KYAT3: variants seen among roughly 807,000 people sequenced by gnomAD.
KYAT3 encodes the protein kynurenine aminotransferase 3, also known as kynurenine--oxoglutarate transaminase 3.
In KYAT3, 50 loss-of-function variants were observed where a neutral mutation model predicts 59.0. The observed-to-expected ratio is 0.85, with a 90% CI of 0.68 to 1.07. The LOEUF (loss-of-function observed/expected upper bound fraction) is 1.07. KYAT3 is among the 50% of genes least tolerant of loss of function. KYAT3 has a pLI of 0.00. For synonymous variants in KYAT3, 148 were observed against 177.0 expected (o/e 0.84, Z 1.30); for missense variants, 497 against 533.3 (o/e 0.93, Z 0.67).
intron 2 of KYAT3, among the ~76,000 whole-genome samples, chr1:88,974,725 CA>C (rs1676701722): frequency 6.6e-6 from 1 of 151,986 alleles, no homozygotes; most frequent in Non-Finnish European, 1.5e-5. Flanking sequence ...GTAAATGCAC[CA>C]ATCAGCATTC....
chr1:88,939,285 G>T (rs1675150992), intron 13 of KYAT3, among the ~76,000 whole-genome samples: 1 of 152,054 alleles, frequency 6.6e-6, no homozygotes. Flanking sequence ...AATTCAAACT[G>T]CTTTCTTTCA....
At chr1:88,962,490 ATT>A (rs1676185187) in intron 5 of KYAT3, among the ~76,000 whole-genome samples, 1 of 152,244 alleles carries the variant, frequency 6.6e-6, no homozygotes, top group Non-Finnish European at 1.5e-5. Flanking sequence ...ACGATTAAGC[ATT>A]TCTTCATATT....
intron 2 of KYAT3, among the ~76,000 whole-genome samples, chr1:88,976,865 A>G (rs761127476): frequency 6.6e-6 from 1 of 152,266 alleles, no homozygotes; most frequent in Non-Finnish European, 1.5e-5. Flanking sequence ...AAAAATTTAT[A>G]GAATGACATA....
chr1:88,982,604 T>C, intron 2 of KYAT3: 7 of 1,530,958 alleles, frequency 4.6e-6, no homozygotes, highest in Non-Finnish European at 6.1e-6. Flanking sequence ...GTTTCCACTC[T>C]TTTTTTTGTT....
chr1:88,985,732 A>G (rs562115177), intron 2 of KYAT3, among the ~76,000 whole-genome samples: 1 of 152,358 alleles, frequency 6.6e-6, no homozygotes, highest in Non-Finnish European at 1.5e-5. Context: ...AATATAGTTC[A>G]TGGCATACAA....
intron 2 of KYAT3, chr1:88,983,978 T>C: frequency 1.5e-6 from 1 of 667,344 alleles, no homozygotes; most frequent in Non-Finnish European, 2.5e-6. Flanking sequence ...GCAATCTGGA[T>C]GCTTTTTAAG....
intron 2 of KYAT3, among the ~76,000 whole-genome samples, chr1:88,971,181 A>AT (rs984125175): frequency 6.6e-6 from 1 of 152,230 alleles, no homozygotes; most frequent in African/African-American, 2.4e-5. Context: ...TGATTTATAC[A>AT]TAAAAAAGTG....
At chr1:88,941,455 C>T (rs1675231660) in intron 13 of KYAT3, among the ~76,000 whole-genome samples, 1 of 151,786 alleles carries the variant, frequency 6.6e-6, no homozygotes, top group African/African-American at 2.4e-5. Flanking sequence ...AATCTCTCAG[C>T]TTTCATTTGT....
chr1:88,982,549 C>T, intron 2 of KYAT3: 1 of 1,439,980 alleles, frequency 6.9e-7, no homozygotes, highest in Non-Finnish European at 9.3e-7. Context: ...AAAAAGGTAA[C>T]ACAATTTTTC....
chr1:88,922,045 C>T, the KYAT3 span, among the ~76,000 whole-genome samples: 1 of 152,142 alleles, frequency 6.6e-6, no homozygotes, highest in African/African-American at 2.4e-5. Context: ...ATCACAGCAC[C>T]TAAATTAAGC....
the KYAT3 span, among the ~76,000 whole-genome samples, chr1:88,924,632 T>C: frequency 6.6e-6 from 1 of 152,258 alleles, no homozygotes. Context: ...CAGCTCAAGC[T>C]GAGCTTTTGC....
In KYAT3 at chr1:88,982,141, T is replaced by C. The variant is rs1313887711; in HGVS notation, c.99+6111A>G. 4.2e-6 allele frequency: 4 copies of C among 962,790 alleles called. 1 individual carries two copies. The highest frequency in any genetic ancestry group is 2.3e-4 in the East Asian group (2 of 8,762). 59.6% of individuals were successfully genotyped at this position (962,790 alleles called of 1,614,324 possible). A position where few individuals can be genotyped will look rare whatever the true frequency, so the allele number is the denominator to read the frequency against. On this transcript the variant is annotated intron_variant, in intron 2 of 13. Coordinates refer to ENST00000260508, the MANE Select transcript of KYAT3 (RefSeq NM_001008661.3). ...TGGGTTTACTGGGTGAATAGCACTT[T>C]CCTTACATAGGCATCTGATTTCAGG...
At chr1:88,921,222 G>A in the KYAT3 span, among the ~76,000 whole-genome samples, 2 of 152,118 alleles carry the variant, frequency 1.3e-5, no homozygotes, top group Admixed American at 6.6e-5. Context: ...TTCACCTCCA[G>A]GCCTCGCTTC....
chr1:88,961,141 A>G (rs1320223681), intron 8 of KYAT3, 26 bp downstream of exon 8: 1 of 1,611,584 alleles, frequency 6.2e-7, no homozygotes, highest in African/African-American at 1.3e-5. Context: ...ACATTTAGAT[A>G]TGTGACTCTG....
chr1:88,937,317 A>G (rs1675077982), intron 13 of KYAT3, among the ~76,000 whole-genome samples: 1 of 152,162 alleles, frequency 6.6e-6, no homozygotes, highest in Non-Finnish European at 1.5e-5. Flanking sequence ...CAAAATGTCA[A>G]AGCCTGAACC....
the KYAT3 span, among the ~76,000 whole-genome samples, chr1:88,925,227 C>G: frequency 6.6e-6 from 1 of 152,198 alleles, no homozygotes; most frequent in Non-Finnish European, 1.5e-5. Context: ...GCTGTCATCC[C>G]GAACTCCTGA....
At chr1:88,933,973 G>A (rs1046370088), downstream of KYAT3, among the ~76,000 whole-genome samples, 1 of 152,178 alleles carries the variant, frequency 6.6e-6, no homozygotes, top group African/African-American at 2.4e-5. Context: ...AGGGAAGGAA[G>A]GATGGATGAT....
rs574504357 is a variant in KYAT3, at chr1:88,956,657, T to A, written c.788-1432A>T. On this transcript the variant is annotated intron_variant, in intron 8 of 13. Transcript: ENST00000260508. ...GAGGGTGGCTTTCTGCAGCCAGTAA[T>A]TCTTAAGCTGAGACATAGAAGACCA... is the stretch of plus-strand genomic sequence containing the variant. Among the ~76,000 whole-genome samples the A allele has an allele frequency of 2.0e-5, 3 of 152,262 alleles. No homozygotes were observed. In the South Asian group the frequency reaches 6.2e-4, roughly 32 times the overall value.
At chr1:88,986,530 G>A (rs948870820) in intron 2 of KYAT3, among the ~76,000 whole-genome samples, 1 of 150,474 alleles carries the variant, frequency 6.6e-6, no homozygotes, top group African/African-American at 2.4e-5. Context: ...GGTCTCAAGC[G>A]ATCCACTGGC....
Sources: gnomAD v4.1 joint callset for allele counts (sites outside exome capture counted in the v4.1 genomes callset) on GRCh38, gnomAD v4.1.1 for gene constraint, MANE v1.5 for transcripts, NCBI Gene and HGNC (gene_info 2026-07-23, HGNC 2026-07-21) for gene names.